MZT2A: variants seen among roughly 807,000 people sequenced by gnomAD.
MZT2A encodes mitotic-spindle organizing protein 2A.
In MZT2A, 8 loss-of-function variants were observed where a neutral mutation model predicts 12.4. The ratio of observed to expected loss-of-function variants is 0.64; its 90% CI spans 0.38 to 1.16. The LOEUF (loss-of-function observed/expected upper bound fraction) is 1.16, where lower values mean the gene tolerates loss of function less well. Among genes scored for constraint, MZT2A ranks in the 50% most tolerant of loss-of-function variants. MZT2A has a pLI of 0.01. For missense variants in MZT2A, 181 were observed against 223.6 expected (o/e 0.81, Z 1.22); for synonymous variants, 88 against 107.5 (o/e 0.82, Z 1.12).
intron 3 of MZT2A, among the ~76,000 whole-genome samples, chr2:131,471,837 G>A (rs1704992742): frequency 6.6e-6 from 1 of 152,192 alleles, no homozygotes; most frequent in Admixed American, 6.5e-5. Context: ...CAGGCAGCAT[G>A]CTGAAAGGCA....
At chr2:131,487,278 G>A (rs1165551101) in intron 2 of MZT2A, among the ~76,000 whole-genome samples, 2 of 152,122 alleles carry the variant, frequency 1.3e-5, no homozygotes, top group East Asian at 1.9e-4. Flanking sequence ...CCAGGAGCTA[G>A]AGACCAGCTG....
At position 131,476,567 on chromosome 2, in the gene MZT2A, T is replaced by C. The variant is rs1444943787; in HGVS notation, c.279-4385A>G. Among the ~76,000 whole-genome samples, 6 of 151,954 alleles carry C rather than the reference T, an allele frequency of 3.9e-5. No individual in the cohort carries two copies. In the East Asian group the frequency reaches 1.2e-3, roughly 29 times the overall value. On this transcript the variant is annotated intron_variant and NMD_transcript_variant, in intron 2 of 4. Transcript: ENST00000427024. Reference sequence around the variant, plus strand: ...CCCCAGGAGCCTTCGGTGACGGGGGTTGGGGCTGTGGACATTGATCAGATG... The same window carrying C: ...CCCCAGGAGCCTTCGGTGACGGGGGCTGGGGCTGTGGACATTGATCAGATG...
At chr2:131,490,886 G>A in intron 2 of MZT2A, 5 of 1,549,956 alleles carry the variant, frequency 3.2e-6, no homozygotes, top group Non-Finnish European at 4.4e-6. Context: ...AGAGAGAAAG[G>A]AGGCCTCTGG....
chr2:131,476,384 G>A (rs571312038), intron 2 of MZT2A, among the ~76,000 whole-genome samples: 14 of 152,324 alleles, frequency 9.2e-5, no homozygotes, highest in African/African-American at 3.4e-4. Context: ...GGGCAGGGAC[G>A]GCGGCTTTTG....
chr2:131,492,599 G>T (rs980088020), upstream of MZT2A: 3 of 1,187,172 alleles, frequency 2.5e-6, no homozygotes, highest in Non-Finnish European at 3.1e-6. Context: ...GTGGCATGGC[G>T]GACTGCAGGG....
chr2:131,490,555 G>A (rs1679250132), intron 2 of MZT2A: 56 of 1,497,124 alleles, frequency 3.7e-5, no homozygotes, highest in Non-Finnish European at 4.4e-5. Flanking sequence ...CTAATAAACC[G>A]AGTCAGAAAT....
chr2:131,488,427 GGGT>G (rs942761990), intron 2 of MZT2A, among the ~76,000 whole-genome samples: 1 of 152,136 alleles, frequency 6.6e-6, no homozygotes, highest in African/African-American at 2.4e-5. Context: ...AGAGGACCCA[GGGT>G]GCCTGCTGCA....
At chr2:131,488,033 T>A (rs1679124407) in intron 2 of MZT2A, among the ~76,000 whole-genome samples, 1 of 152,060 alleles carries the variant, frequency 6.6e-6, no homozygotes, top group South Asian at 2.1e-4. Flanking sequence ...TCCCAAGGTG[T>A]GGTGGGTTTT....
chr2:131,485,980 C>T (rs10205714), intron 2 of MZT2A, among the ~76,000 whole-genome samples: 21,954 of 149,546 alleles, frequency 0.15, 2,754 homozygotes, highest in African/African-American at 0.35. Flanking sequence ...TATGAGTTTC[C>T]GGGGAGTTCT....
upstream of MZT2A, among the ~76,000 whole-genome samples, chr2:131,493,652 C>T (rs1011223198): frequency 2.6e-5 from 4 of 151,856 alleles, no homozygotes; most frequent in East Asian, 8.0e-4. Flanking sequence ...TGCCCAAGGG[C>T]TGTCGCTGTC....
chr2:131,479,145 A>C (rs944924833), downstream of MZT2A, among the ~76,000 whole-genome samples: 1 of 152,224 alleles, frequency 6.6e-6, no homozygotes, highest in Non-Finnish European at 1.5e-5. Flanking sequence ...TTTGGTTATC[A>C]CACAGAGACA....
intron 2 of MZT2A, among the ~76,000 whole-genome samples, chr2:131,486,207 A>G (rs1392784380): frequency 6.6e-6 from 1 of 151,852 alleles, no homozygotes; most frequent in Non-Finnish European, 1.5e-5. Flanking sequence ...CAAAGCAGAC[A>G]ATAGCCACCA....
chr2:131,475,037 T>C (rs903080238), intron 2 of MZT2A, among the ~76,000 whole-genome samples: 4 of 152,176 alleles, frequency 2.6e-5, no homozygotes, highest in African/African-American at 7.2e-5. Context: ...CTCAGCTCAC[T>C]GCAACCTCTG....
upstream of MZT2A, chr2:131,492,491 G>A (rs1309505071): frequency 2.6e-6 from 3 of 1,132,906 alleles, no homozygotes; most frequent in African/African-American, 3.3e-5. Flanking sequence ...TGGCGGGAGC[G>A]GCGGGAGCGC....
rs1678716926 is a variant in MZT2A at position 131,477,610 on chromosome 2, A to G, written c.279-5428T>C. ...ACTGCTGCCTGCCATTGACCAAACC[A>G]GCAAGAAGCCAGAGGGCGAGGAAGG... On this transcript the variant is annotated intron_variant and NMD_transcript_variant, in intron 2 of 4. Transcript: ENST00000427024. 1.1e-4 allele frequency among the ~76,000 whole-genome samples: 17 copies of G among 151,084 alleles called. No homozygotes were observed. In the South Asian group the frequency reaches 3.5e-3, roughly 31 times the overall value.
At chr2:131,489,637 G>C (rs1300626182) in intron 2 of MZT2A, 1 of 154,272 alleles carries the variant, frequency 6.5e-6, no homozygotes, top group African/African-American at 2.4e-5. Context: ...CAAAGTGCTG[G>C]GATTACAGGC....
At chr2:131,484,387 A>T (rs1037950001) in intron 2 of MZT2A, among the ~76,000 whole-genome samples, 169 bp from the exon 3 acceptor site, 3 of 152,210 alleles carry the variant, frequency 2.0e-5, no homozygotes, top group Non-Finnish European at 4.4e-5. Context: ...ACCACTAAAG[A>T]CAGGTCACGC....
rs768261054 is a variant in MZT2A at position 131,484,180 on chromosome 2, C to G, written c.358G>C (p.Ala120Pro). The change falls in exon 3 of 3, where the codon GCC (alanine) becomes CCC (proline). Residue 120 changes from alanine to proline, a missense_variant. By Grantham distance (27) the Ala-to-Pro change is conservative (BLOSUM62 -1). This residue lies in a region of MZT2A where 72 missense variants were observed against 76.9 expected (regional missense o/e 0.94). Transcript: ENST00000309451. ...TCGTGGTTGCTGCGTTCCGCCAGGG[C>G]CAATACTCCCCCGAGGGCAGCGCTG... ...KGSAALGGVLALAERSNHEGS... is the reference protein window; with the variant it reads ...KGSAALGGVLPLAERSNHEGS... 3 of 1,614,116 alleles carry G rather than the reference C, an allele frequency of 1.9e-6. No individual in the cohort carries two copies. The highest frequency in any genetic ancestry group is 1.7e-5 in the Admixed American group (1 of 60,036).
rs143844316 is a variant in MZT2A at position 131,478,055 on chromosome 2, C to T, written c.279-5873G>A. The T allele has an allele frequency of 6.1e-4, 868 of 1,432,722 alleles. 7 individuals carry two copies. In the African/African-American group the frequency reaches 0.011, roughly 19 times the overall value. 88.8% of individuals were successfully genotyped at this position (1,432,722 alleles called of 1,614,324 possible). On this transcript the variant is annotated intron_variant and NMD_transcript_variant, in intron 2 of 4. Coordinates refer to the MZT2A transcript ENST00000427024. ...TCCTAGGAAATATCGATTGTGAAAG[C>T]GCCAGATACTGAAGCAGTATATAAA...
Sources: gnomAD v4.1 joint callset for allele counts (sites outside exome capture counted in the v4.1 genomes callset) on GRCh38, gnomAD v4.1.1 for gene constraint, gnomAD v4.1.1 regional missense constraint, MANE v1.5 for transcripts, NCBI Gene and HGNC (gene_info 2026-07-23, HGNC 2026-07-21) for gene names.